Variants in CDH23 observed in about 807,000 individuals in gnomAD.
The protein encoded by CDH23 is cadherin-23.
In CDH23, 189 loss-of-function variants were observed where a neutral mutation model predicts 317.1. The observed-to-expected ratio is 0.60, with a 90% CI of 0.53 to 0.67. CDH23 has a LOEUF of 0.67. Ranked by LOEUF, CDH23 falls within the 30% of genes least tolerant of loss-of-function variation. CDH23 has a pLI of 0.00. For missense variants in CDH23, 4,401 were observed against 4,592.4 expected (o/e 0.96, Z 1.20); for synonymous variants, 1,839 against 1,876.8 (o/e 0.98, Z 0.52).
chr10:71,631,685 C>A (rs1862020850), intron 11 of CDH23, among the ~76,000 whole-genome samples: 2 of 152,346 alleles, frequency 1.3e-5, no homozygotes, highest in Admixed American at 6.5e-5. Context: ...TGGCCCTTTT[C>A]TCTCTCCTGC....
chr10:71,715,940 A>C, intron 28 of CDH23: 1 of 1,463,950 alleles, frequency 6.8e-7, no homozygotes, highest in Non-Finnish European at 9.0e-7. Context: ...ACCCCATTAC[A>C]TCTTGGTAGA....
chr10:71,426,157 C>T (rs890350058), intron 1 of CDH23, among the ~76,000 whole-genome samples: 2 of 152,182 alleles, frequency 1.3e-5, no homozygotes, highest in African/African-American at 2.4e-5. Flanking sequence ...GCCTTGGCCT[C>T]ACCCATAGTT....
chr10:71,753,389 C>A lies in CDH23; in HGVS notation c.4845+11468C>A, dbSNP rs1463152473. ...AACTCTTGAATTTGCTAACTGGTGTCTCTTGTTTGAACATTTGCCAGGTTC... is the reference window on the plus strand; with the variant it reads ...AACTCTTGAATTTGCTAACTGGTGTATCTTGTTTGAACATTTGCCAGGTTC... On this transcript the variant is annotated intron_variant, in intron 38 of 69. Transcript: ENST00000224721. Among the ~76,000 whole-genome samples the A allele has an allele frequency of 4.6e-5, 7 of 152,214 alleles. 1 individual carries two copies. Among genetic ancestry groups the A allele is most frequent in the African/African-American group, 1.7e-4 (7 of 41,454 alleles).
intron 6 of CDH23, among the ~76,000 whole-genome samples, chr10:71,561,984 G>A (rs1449304346): frequency 2.0e-5 from 3 of 152,138 alleles, no homozygotes; most frequent in East Asian, 1.9e-4. Context: ...CCAGCAAGAA[G>A]CTGGACCCAG....
chr10:71,695,407 T>C lies in CDH23; in HGVS notation c.2290-11T>C, dbSNP rs1338860478. 6.3e-7 allele frequency: 1 copy of C among 1,594,984 alleles called. No homozygotes were observed. Among genetic ancestry groups the C allele is most frequent in the Admixed American group, 1.7e-5 (1 of 60,008 alleles). On this transcript the variant is annotated splice_polypyrimidine_tract_variant and intron_variant, in intron 21 of 69. Transcript: ENST00000224721. ...TGGGTGTGTCTCCCAGCGCCCCTTA[T>C]GGCTTCACAGGTAAACATCACCCTC...
chr10:71,590,885 AAC>A (rs564604701), intron 9 of CDH23, among the ~76,000 whole-genome samples: 2 of 81,302 alleles, frequency 2.5e-5, no homozygotes, highest in African/African-American at 5.9e-5. Flanking sequence ...AAAAAAAAAA[AAC>A]AAAAAAAAAC....
chr10:71,432,347 G>GTT lies in CDH23; in HGVS notation c.-5-7479_-5-7478insTT. Among the ~76,000 whole-genome samples the GTT allele has an allele frequency of 2.0e-5, 3 of 149,460 alleles. No individual in the cohort carries two copies. In the East Asian group the frequency reaches 5.9e-4, roughly 30 times the overall value. ...GTTTGAAAAAGTGTGTGTGCGGTGTGTGAGTGTGAGAGTCTGGGTGTGTGT... is the reference window on the plus strand; with the variant it reads ...GTTTGAAAAAGTGTGTGTGCGGTGTGTTTGAGTGTGAGAGTCTGGGTGTGTGT... On this transcript the variant is annotated intron_variant, in intron 1 of 69. Transcript: ENST00000224721.
chr10:71,541,636 T>C (rs1156676701), intron 6 of CDH23, among the ~76,000 whole-genome samples: 1 of 152,246 alleles, frequency 6.6e-6, no homozygotes, highest in Non-Finnish European at 1.5e-5. Context: ...TTCCCACTCC[T>C]GGCTGCTCTG....
At chr10:71,773,280 C>G in intron 38 of CDH23, 1 of 1,480,676 alleles carries the variant, frequency 6.8e-7, no homozygotes, top group Non-Finnish European at 9.2e-7. Flanking sequence ...CCCCAGGACG[C>G]CCCCATCCCA....
intron 22 of CDH23, among the ~76,000 whole-genome samples, chr10:71,696,869 A>C (rs762586838): frequency 7.2e-5 from 11 of 152,192 alleles, no homozygotes; most frequent in Non-Finnish European, 1.5e-4. Flanking sequence ...ACAGCTCTCT[A>C]GGCTCTTTGG....
chr10:71,785,076 G>C lies in CDH23; in HGVS notation c.5688G>C (p.Glu1896Asp). 1 of 1,614,028 alleles carries C rather than the reference G, an allele frequency of 6.2e-7. No homozygotes were observed. The change falls in exon 43 of 70, where the codon GAG becomes GAC. Residue 1896 changes from glutamate to aspartate, a missense_variant. Transcript: ENST00000224721. ...LTFNITAGNRERAFFINATTG... is the reference protein window; with the variant it reads ...LTFNITAGNRDRAFFINATTG... ...TCAACATCACTGCGGGCAACCGCGA[G>C]CGGGCCTTCTTCATCAATGCCACGG...
At chr10:71,706,499 A>C (rs1252136081) in intron 25 of CDH23, among the ~76,000 whole-genome samples, 2 of 152,162 alleles carry the variant, frequency 1.3e-5, no homozygotes, top group Non-Finnish European at 2.9e-5. Context: ...CTGTATGGGA[A>C]GCACTCAGCA....
intron 6 of CDH23, among the ~76,000 whole-genome samples, chr10:71,521,750 G>C (rs1212281317): frequency 6.6e-6 from 1 of 152,200 alleles, no homozygotes; most frequent in Non-Finnish European, 1.5e-5. Flanking sequence ...GGCCGGCCCC[G>C]GCTCTTCACT....
At chr10:71,742,269 T>G (rs1245283119) in intron 38 of CDH23, among the ~76,000 whole-genome samples, 1 of 152,218 alleles carries the variant, frequency 6.6e-6, no homozygotes, top group Non-Finnish European at 1.5e-5. Flanking sequence ...AGCCCCCGCT[T>G]CACTTGCCCA....
chr10:71,408,278 C>G (rs1848200862), intron 1 of CDH23, among the ~76,000 whole-genome samples: 3 of 152,094 alleles, frequency 2.0e-5, no homozygotes. Context: ...CAGAAGTAGA[C>G]AAAGCATGGC....
At chr10:71,529,203 T>A (rs1203187167) in intron 6 of CDH23, among the ~76,000 whole-genome samples, 4 of 152,220 alleles carry the variant, frequency 2.6e-5, no homozygotes, top group Non-Finnish European at 5.9e-5. Flanking sequence ...GCGATGCCAG[T>A]GCTGCTGGTC....
In CDH23 at chr10:71,810,583, T is replaced by C. The variant is rs1398550156; in HGVS notation, c.9077+14T>C. On this transcript the variant is annotated intron_variant, in intron 62 of 69. Transcript: ENST00000224721. ...GGACGTGGACCGGTGAGTCGGGGCC[T>C]GTGTTTGGACTGTCAGCCTGTCTGT... The C allele has an allele frequency of 5.0e-6, 8 of 1,612,246 alleles. No homozygotes were observed. The highest frequency in any genetic ancestry group is 6.8e-6 in the Non-Finnish European group (8 of 1,178,514).
At chr10:71,451,425 C>T (rs1392729028) in intron 3 of CDH23, among the ~76,000 whole-genome samples, 2 of 152,244 alleles carry the variant, frequency 1.3e-5, no homozygotes, top group East Asian at 3.9e-4. Context: ...CACCTGCCAC[C>T]TGTCAGACCT....
At chr10:71,425,226 AG>A (rs1849004798) in intron 1 of CDH23, among the ~76,000 whole-genome samples, 3 of 59,906 alleles carry the variant, frequency 5.0e-5, no homozygotes, top group African/African-American at 1.8e-4. Flanking sequence ...GGGCAGAGAG[AG>A]AGAGGGAGAG....
Sources: gnomAD v4.1 joint callset for allele counts (sites outside exome capture counted in the v4.1 genomes callset) on GRCh38, gnomAD v4.1.1 for gene constraint, MANE v1.5 for transcripts, NCBI Gene and HGNC (gene_info 2026-07-23, HGNC 2026-07-21) for gene names.